SMPD4: variants seen among roughly 807,000 people sequenced by gnomAD.
SMPD4 encodes neutral sphingomyelinase 3.
Under a neutral mutation model 97.8 loss-of-function variants are expected in SMPD4, and 58 were observed. That is an observed-to-expected ratio of 0.59 (90% CI 0.48 to 0.74). SMPD4 has a LOEUF of 0.74. SMPD4 is among the 30% of genes least tolerant of loss of function. The probability of loss-of-function intolerance (pLI) is 0.00; values close to 1 mark genes in which losing one functional copy is unlikely to be tolerated. For synonymous variants in SMPD4, 388 were observed against 450.0 expected (o/e 0.86, Z 1.74); for missense variants, 853 against 1,080.5 (o/e 0.79, Z 2.95).
intron 10 of SMPD4, among the ~76,000 whole-genome samples, chr2:130,162,519 T>TGGC (rs1687527297): frequency 6.6e-6 from 1 of 152,150 alleles, no homozygotes; most frequent in Admixed American, 6.5e-5. Context: ...TTCCCCAGTG[T>TGGC]GGCTCTGCCC....
chr2:130,160,920 C>G, intron 11 of SMPD4, among the ~76,000 whole-genome samples: 1 of 152,224 alleles, frequency 6.6e-6, no homozygotes, highest in Non-Finnish European at 1.5e-5. Flanking sequence ...GACACCTCCA[C>G]TGGCCTGGAG....
At chr2:130,166,892 G>A (rs1459470660) in intron 9 of SMPD4, among the ~76,000 whole-genome samples, 1 of 152,246 alleles carries the variant, frequency 6.6e-6, no homozygotes, top group Non-Finnish European at 1.5e-5. Flanking sequence ...AAAAGACTCT[G>A]CAACAATTAT....
At chr2:130,164,614 T>G (rs1687747927) in intron 9 of SMPD4, among the ~76,000 whole-genome samples, 169 bp from the exon 10 acceptor site, 1 of 151,976 alleles carries the variant, frequency 6.6e-6, no homozygotes, top group African/African-American at 2.4e-5. Context: ...TAACTCAAAA[T>G]GGGTAAGCGA....
In SMPD4 at chr2:130,157,413, G is replaced by A; in HGVS notation, c.952-17C>T. On this transcript the variant is annotated splice_polypyrimidine_tract_variant and intron_variant, in intron 11 of 19. Coordinates refer to ENST00000680298, the MANE Select transcript of SMPD4 (RefSeq NM_017951.5). Reference sequence around the variant, plus strand: ...GAACGACTCCTGGGTGGAGAAGGAGGGGTGAGGGCCTGGGAAGGAGCGTGG... The same window carrying A: ...GAACGACTCCTGGGTGGAGAAGGAGAGGTGAGGGCCTGGGAAGGAGCGTGG... 6.2e-7 allele frequency: 1 copy of A among 1,610,878 alleles called. No homozygotes were observed. The highest frequency in any genetic ancestry group is 2.1e-4 in the Middle Eastern group (1 of 4,792).
At chr2:130,155,570 G>C (rs1368339239) in intron 14 of SMPD4, among the ~76,000 whole-genome samples, 2 of 152,158 alleles carry the variant, frequency 1.3e-5, no homozygotes, top group African/African-American at 4.8e-5. Context: ...GGATCCCCCA[G>C]AGGGTCCAAA....
rs558432274 is a variant in SMPD4, at chr2:130,172,104, A to C, written c.659+245T>G. Among the ~76,000 whole-genome samples, 33 of 152,308 alleles carry C rather than the reference A, an allele frequency of 2.2e-4. 1 individual carries two copies. The South Asian group carries it at 6.6e-3, about 31-fold the overall frequency. On this transcript the variant is annotated intron_variant, in intron 8 of 19. Transcript: ENST00000680298. ...TGCACAACACAGCCCATTCCCATGC[A>C]GGCCGTGGAGGCCTCCAGGGACCTG...
chr2:130,154,543 C>T (rs1156672499), intron 15 of SMPD4, 61 bp from the exon 16 acceptor site: 2 of 1,549,720 alleles, frequency 1.3e-6, no homozygotes, highest in Non-Finnish European at 1.7e-6. Flanking sequence ...CGACTGCTGC[C>T]CTTAGGATTC....
At chr2:130,162,066 G>A (rs1166549417) in intron 10 of SMPD4, among the ~76,000 whole-genome samples, 1 of 152,146 alleles carries the variant, frequency 6.6e-6, no homozygotes, top group African/African-American at 2.4e-5. Context: ...AGCTAAGGTG[G>A]TGTGCACATC....
chr2:130,158,382 ATC>A lies in SMPD4; in HGVS notation c.952-988_952-987del, dbSNP rs1192033754. 4.6e-5 allele frequency: 21 copies of A among 460,942 alleles called. No individual in the cohort carries two copies. In the Admixed American group the frequency reaches 8.6e-4, roughly 19 times the overall value. 28.6% of individuals were successfully genotyped at this position (460,942 alleles called of 1,614,324 possible). ...GCCCAGGCTGGAGCACAGTGGCGCA[ATC>A]TCGGCTCACTGCAACCTCCGCCTCC... On this transcript the variant is annotated intron_variant, in intron 11 of 19. Coordinates refer to ENST00000680298, the MANE Select transcript of SMPD4 (RefSeq NM_017951.5).
chr2:130,171,272 T>C (rs375454223), intron 8 of SMPD4, among the ~76,000 whole-genome samples: 3 of 151,736 alleles, frequency 2.0e-5, no homozygotes, highest in African/African-American at 4.8e-5. Flanking sequence ...GCCCAGCTAA[T>C]TTTTGTATTT....
At chr2:130,156,763 T>G in intron 12 of SMPD4, 88 bp from the exon 13 acceptor site, 1 of 1,558,220 alleles carries the variant, frequency 6.4e-7, no homozygotes, top group South Asian at 1.2e-5. Flanking sequence ...CAGTGAGGGT[T>G]GGCTCCGCCG....
Position 130,181,536 on chromosome 2 carries a change from G to T in SMPD4, c.-52C>A. ...CGCATCCCGCGCCACTCACCTGTGG[G>T]ATCCATAGCGTCGCTCGCCTCAGAG... is the stretch of plus-strand genomic sequence containing the variant. On this transcript the variant is annotated 5_prime_UTR_variant, in exon 1 of 20. Coordinates refer to ENST00000680298, the MANE Select transcript of SMPD4 (RefSeq NM_017951.5). The T allele has an allele frequency of 6.2e-7, 1 of 1,604,754 alleles. No homozygotes were observed. The highest frequency in any genetic ancestry group is 8.5e-7 in the Non-Finnish European group (1 of 1,176,716).
chr2:130,174,334 G>A (rs1455946833), intron 3 of SMPD4, among the ~76,000 whole-genome samples: 2 of 152,196 alleles, frequency 1.3e-5, no homozygotes, highest in Non-Finnish European at 2.9e-5. Flanking sequence ...TCTTTAAACA[G>A]TGATGGAAAC....
intron 11 of SMPD4, among the ~76,000 whole-genome samples, chr2:130,159,934 C>T (rs912893393): frequency 6.6e-6 from 1 of 152,192 alleles, no homozygotes; most frequent in Non-Finnish European, 1.5e-5. Context: ...GCCCACTGTC[C>T]GCCCCTGCCG....
At chr2:130,181,711 G>T (rs1379533162), upstream of SMPD4, 5 of 1,548,376 alleles carry the variant, frequency 3.2e-6, no homozygotes, top group South Asian at 6.0e-5. Context: ...GCCGGGCGGG[G>T]AAGAGAAATG....
Position 130,164,436 on chromosome 2 carries a change from C to G in SMPD4, c.802G>C (p.Glu268Gln). The G allele has an allele frequency of 6.2e-7, 1 of 1,614,032 alleles. No homozygotes were observed. The highest frequency in any genetic ancestry group is 8.5e-7 in the Non-Finnish European group (1 of 1,179,984). ...AAGGAATAGTGATGAAGCCACATTTCAACAAAAACCTGCAAAAAAGCATTA... is the reference window on the plus strand; with the variant it reads ...AAGGAATAGTGATGAAGCCACATTTGAACAAAAACCTGCAAAAAAGCATTA... ...RSETLLQVFV[E>Q]MWLHHYSLEM... Residue 268 changes from glutamate to glutamine, a missense_variant, in exon 10 of 20, where the codon GAA (glutamate) becomes CAA (glutamine). Coordinates refer to ENST00000680298, the MANE Select transcript of SMPD4 (RefSeq NM_017951.5).
chr2:130,156,880 G>A (rs372557699), intron 12 of SMPD4: 32 of 1,411,818 alleles, frequency 2.3e-5, no homozygotes, highest in East Asian at 1.8e-4. Flanking sequence ...GCACGCAGGC[G>A]GCCGAGTCAG....
chr2:130,162,882 A>G (rs1216875319), intron 10 of SMPD4, among the ~76,000 whole-genome samples: 1 of 152,224 alleles, frequency 6.6e-6, no homozygotes, highest in Non-Finnish European at 1.5e-5. Flanking sequence ...ACTGCAAGGT[A>G]TTCTGAGCAG....
chr2:130,158,044 G>T, intron 11 of SMPD4: 1 of 434,696 alleles, frequency 2.3e-6, no homozygotes, highest in Non-Finnish European at 3.7e-6. Flanking sequence ...GGAGGCTAGG[G>T]TGGGAGGATC....
Sources: allele counts gnomAD v4.1 joint callset (sites outside exome capture counted in the v4.1 genomes callset), GRCh38; gene constraint gnomAD v4.1.1; transcripts MANE v1.5; gene names NCBI Gene and HGNC (gene_info 2026-07-23, HGNC 2026-07-21).